USP7: variants seen among roughly 807,000 people sequenced by gnomAD.
USP7 encodes ubiquitin specific peptidase 7.
In USP7, 9 loss-of-function variants were observed where a neutral mutation model predicts 162.9. The ratio of observed to expected loss-of-function variants is 0.06; its 90% confidence interval spans 0.03 to 0.10. The LOEUF (loss-of-function observed/expected upper bound fraction) is 0.10, where lower values mean the gene tolerates loss of function less well. USP7 is among the 10% of genes least tolerant of loss of function. The pLI is 1.00. For missense variants in USP7, 715 were observed against 1,373.7 expected, an observed-to-expected ratio of 0.52 and a Z score of 7.58; for synonymous variants, 562 against 475.9, an observed-to-expected ratio of 1.18 and a Z score of -2.35.
chr16:8,949,278 T>G (rs1899440380), intron 1 of USP7, among the ~76,000 whole-genome samples: 1 of 152,246 alleles, frequency 6.6e-6, no homozygotes, highest in Non-Finnish European at 1.5e-5. Flanking sequence ...TAAGGTTAAC[T>G]GGCATTTAAC....
intron 10 of USP7, among the ~76,000 whole-genome samples, chr16:8,913,342 C>T (rs549693159): frequency 7.9e-5 from 12 of 151,948 alleles, no homozygotes; most frequent in African/African-American, 1.7e-4. Flanking sequence ...GGCAACAGAG[C>T]GAGACTCCCT....
intron 1 of USP7, among the ~76,000 whole-genome samples, chr16:8,934,862 C>T (rs1596397998): frequency 6.6e-6 from 1 of 152,176 alleles, no homozygotes; most frequent in Non-Finnish European, 1.5e-5. Flanking sequence ...AGCCCAGCTC[C>T]CAGGGGCAGG....
chr16:8,951,039 G>T (rs1040494911), intron 1 of USP7, among the ~76,000 whole-genome samples: 1 of 152,196 alleles, frequency 6.6e-6, no homozygotes, highest in Non-Finnish European at 1.5e-5. Flanking sequence ...TGCATTGTGT[G>T]AGCAGCAGCG....
At chr16:8,907,393 G>T (rs967804028) in intron 12 of USP7, among the ~76,000 whole-genome samples, 3 of 152,206 alleles carry the variant, frequency 2.0e-5, no homozygotes, top group Admixed American at 6.5e-5. Context: ...TCAGCTGGTA[G>T]CAAGTAAAGT....
intron 5 of USP7, among the ~76,000 whole-genome samples, chr16:8,919,728 A>G (rs1043205010): frequency 1.3e-5 from 2 of 150,684 alleles, no homozygotes; most frequent in African/African-American, 4.9e-5. Context: ...CGGTGCCAGA[A>G]AGCAAAGCAA....
At chr16:8,955,948 G>C (rs1899780244) in intron 1 of USP7, among the ~76,000 whole-genome samples, 1 of 152,132 alleles carries the variant, frequency 6.6e-6, no homozygotes, top group Non-Finnish European at 1.5e-5. Context: ...GGTGGCAAGA[G>C]AGACAGCCAG....
At chr16:8,959,401 G>C (rs1447212507) in intron 1 of USP7, among the ~76,000 whole-genome samples, 1 of 149,938 alleles carries the variant, frequency 6.7e-6, no homozygotes, top group Non-Finnish European at 1.5e-5. Context: ...TACTAGTATC[G>C]ATCATTTCAT....
chr16:8,935,132 T>C (rs775346968), intron 1 of USP7, among the ~76,000 whole-genome samples: 4 of 152,100 alleles, frequency 2.6e-5, no homozygotes, highest in East Asian at 1.9e-4. Context: ...CCAAGTTTTA[T>C]ATGCCACCTT....
At chr16:8,913,985 G>A (rs573659101) in intron 10 of USP7, among the ~76,000 whole-genome samples, 63 of 151,918 alleles carry the variant, frequency 4.1e-4, no homozygotes, top group Non-Finnish European at 7.8e-4. Context: ...CAATCCTCCC[G>A]ACTCAGCCTC....
chr16:8,943,479 G>T (rs1899138623), intron 1 of USP7, among the ~76,000 whole-genome samples: 1 of 152,140 alleles, frequency 6.6e-6, no homozygotes, highest in South Asian at 2.1e-4. Context: ...CCTGGATGGA[G>T]ATCTGTGACA....
chr16:8,897,892 C>T (rs1433445439), intron 25 of USP7, among the ~76,000 whole-genome samples: 1 of 150,704 alleles, frequency 6.6e-6, no homozygotes, highest in Admixed American at 6.6e-5. Flanking sequence ...GAGCGAGACC[C>T]TGTCTCGAAA....
chr16:8,945,319 G>A (rs142706172), intron 1 of USP7, among the ~76,000 whole-genome samples: 435 of 152,292 alleles, frequency 2.9e-3, no homozygotes, highest in African/African-American at 4.0e-3. Context: ...GGGAGGTGGA[G>A]GTTGCAGTGA....
At position 8,920,395 on chromosome 16, in the gene USP7, T is replaced by G; in HGVS notation, c.575A>C (p.Glu192Ala). Residue 192 changes from glutamate (E) to alanine (A), a missense_variant, in exon 5 of 31, where the codon GAA (glutamate) becomes GCA (alanine). By Grantham distance (107) the Glu-to-Ala change is moderately radical. This residue lies in a region of USP7 where 30 missense variants were observed against 27.6 expected (regional missense o/e 1.09). Transcript: ENST00000344836. ...GGGAGCATCCGCCTGTACAAAGACT[T>G]CAAAGGTAACTTTGTCATCATCTAT... ...GFIDDDKVTF[E>A]VFVQADAPHG... 1 of 1,613,564 alleles carries G rather than the reference T, an allele frequency of 6.2e-7. No individual in the cohort carries two copies. Among genetic ancestry groups the G allele is most frequent in the Non-Finnish European group, 8.5e-7 (1 of 1,179,896 alleles).
At chr16:8,914,425 T>A (rs1394527157) in intron 10 of USP7, among the ~76,000 whole-genome samples, 1 of 150,656 alleles carries the variant, frequency 6.6e-6, no homozygotes, top group African/African-American at 2.5e-5. Flanking sequence ...TTCCTCCAAA[T>A]GCAAACAGGC....
intron 1 of USP7, among the ~76,000 whole-genome samples, chr16:8,952,725 C>T (rs1047589026): frequency 6.6e-6 from 1 of 152,152 alleles, no homozygotes; most frequent in African/African-American, 2.4e-5. Context: ...GACACCTTTC[C>T]GGGGATGGGA....
intron 1 of USP7, among the ~76,000 whole-genome samples, chr16:8,930,814 C>T (rs1376244819): frequency 6.6e-6 from 1 of 152,028 alleles, no homozygotes; most frequent in African/African-American, 2.4e-5. Context: ...ACTAGAAATG[C>T]AAAAATTAGC....
chr16:8,950,292 A>C (rs914070375), intron 1 of USP7, among the ~76,000 whole-genome samples: 1 of 152,186 alleles, frequency 6.6e-6, no homozygotes, highest in East Asian at 1.9e-4. Flanking sequence ...AAGACACAAC[A>C]GACATTTTCT....
Position 8,897,063 on chromosome 16 carries a change from G to A in USP7, c.2755C>T (p.Arg919Trp). ...TLYPDKHGCV[R>W]DLLEECKKAV... ...TTTTTACATTCTTCTAACAGGTCCC[G>A]GACACACCCATGCTTGTCTGGATAT... The change falls in exon 26 of 31, where the codon CGG (arginine) becomes TGG (tryptophan). Residue 919 changes from arginine (R) to tryptophan (W), a missense_variant. This residue lies in a region of USP7 where 222 missense variants were observed against 441.7 expected (regional missense o/e 0.50). Coordinates refer to ENST00000344836, the MANE Select transcript of USP7 (RefSeq NM_003470.3). The A allele has an allele frequency of 1.2e-6, 2 of 1,613,968 alleles. No individual in the cohort carries two copies. Among genetic ancestry groups the A allele is most frequent in the Admixed American group, 1.7e-5 (1 of 60,018 alleles).
At chr16:8,898,480 A>AC (rs752733480) in intron 24 of USP7, 43 bp from the exon 25 acceptor site, 8 of 1,605,222 alleles carry the variant, frequency 5.0e-6, no homozygotes, top group Admixed American at 1.7e-5. Flanking sequence ...CGTCACCAAA[A>AC]CCCCGAGCCT....
Sources: gnomAD v4.1 joint callset for allele counts (sites outside exome capture counted in the v4.1 genomes callset) on GRCh38, gnomAD v4.1.1 for gene constraint, gnomAD v4.1.1 regional missense constraint, MANE v1.5 for transcripts, NCBI Gene and HGNC (gene_info 2026-07-23, HGNC 2026-07-21) for gene names.